The following FHIT variants were observed in gnomAD, a reference collection of about 807,000 sequenced individuals.
FHIT encodes fragile histidine triad diadenosine triphosphatase, also known as bis(5'-adenosyl)-triphosphatase.
Under a neutral mutation model 17.9 loss-of-function variants are expected in FHIT, and 19 were observed. The ratio of observed to expected loss-of-function variants is 1.06; its 90% CI spans 0.74 to 1.56. The LOEUF (loss-of-function observed/expected upper bound fraction) is 1.56, where lower values mean the gene tolerates loss of function less well. FHIT is among the 40% of genes most tolerant of loss of function. The pLI, the probability that FHIT is intolerant of heterozygous loss-of-function variation, is 0.00. For missense variants in FHIT, 248 were observed against 189.2 expected, an observed-to-expected ratio of 1.31 and a Z score of -1.82; for synonymous variants, 81 against 69.7, an observed-to-expected ratio of 1.16 and a Z score of -0.81.
intron 5 of FHIT, among the ~76,000 whole-genome samples, chr3:60,277,352 A>G (rs1208031577): frequency 6.6e-6 from 1 of 152,120 alleles, no homozygotes; most frequent in Non-Finnish European, 1.5e-5. Context: ...TTTCTTTTCT[A>G]ACAAAGAGCA....
chr3:59,986,695 T>TATATATTTATATAAATAA (rs1708947811), intron 7 of FHIT, among the ~76,000 whole-genome samples: 4 of 11,240 alleles, frequency 3.6e-4, no homozygotes, highest in Admixed American at 1.7e-3. Context: ...TTTAGTTTTA[T>TATATATTTATATAAATAA]ATATATTTAT....
At chr3:60,371,716 T>G (rs936341183) in intron 5 of FHIT, among the ~76,000 whole-genome samples, 4 of 152,128 alleles carry the variant, frequency 2.6e-5, no homozygotes, top group African/African-American at 4.8e-5. Context: ...TACCCCCAGA[T>G]AGCTGAGCAT....
intron 5 of FHIT, among the ~76,000 whole-genome samples, chr3:60,071,599 T>C (rs1702773861): frequency 6.6e-6 from 1 of 152,160 alleles, no homozygotes; most frequent in Non-Finnish European, 1.5e-5. Context: ...GGAATAAGAC[T>C]TGTTGAATGT....
chr3:60,892,614 G>T (rs1705578805), intron 3 of FHIT, among the ~76,000 whole-genome samples: 1 of 152,104 alleles, frequency 6.6e-6, no homozygotes, highest in African/African-American at 2.4e-5. Flanking sequence ...GGCAAATTAT[G>T]CATACTTATA....
At chr3:60,513,495 T>A (rs1467502141) in intron 5 of FHIT, among the ~76,000 whole-genome samples, 1 of 152,136 alleles carries the variant, frequency 6.6e-6, no homozygotes, top group Non-Finnish European at 1.5e-5. Flanking sequence ...TTCCCCTACA[T>A]AAAAAAGGCA....
At chr3:60,027,591 A>G (rs1342605653) in intron 5 of FHIT, among the ~76,000 whole-genome samples, 1 of 152,134 alleles carries the variant, frequency 6.6e-6, no homozygotes, top group East Asian at 1.9e-4. Context: ...GCGAGACTGC[A>G]ACCTCGAATA....
intron 4 of FHIT, among the ~76,000 whole-genome samples, 182 bp from the exon 5 acceptor site, chr3:60,537,161 C>G (rs962385443): frequency 8.6e-5 from 13 of 152,040 alleles, no homozygotes; most frequent in Non-Finnish European, 1.9e-4. Flanking sequence ...AAATACTCCA[C>G]TCTCCCTACC....
intron 3 of FHIT, among the ~76,000 whole-genome samples, chr3:61,029,248 G>A (rs1393212418): frequency 2.0e-5 from 3 of 152,118 alleles, no homozygotes; most frequent in African/African-American, 4.8e-5. Flanking sequence ...AAATTGATCT[G>A]TACCAAGATT....
chr3:60,029,897 C>CTG (rs71089569), intron 5 of FHIT, among the ~76,000 whole-genome samples: 2,226 of 127,878 alleles, frequency 0.017, 50 homozygotes, highest in African/African-American at 0.05. Context: ...GTGTGTGTGT[C>CTG]TGTGTGTGTG....
intron 8 of FHIT, among the ~76,000 whole-genome samples, chr3:59,904,105 C>T (rs1412553016): frequency 6.7e-6 from 1 of 149,238 alleles, no homozygotes. Flanking sequence ...CCCGGACAGC[C>T]AGTTGTTCTA....
intron 3 of FHIT, among the ~76,000 whole-genome samples, chr3:61,018,878 T>A (rs1022056672): frequency 1.3e-4 from 20 of 152,226 alleles, no homozygotes; most frequent in African/African-American, 4.8e-4. Context: ...ATCCTCATTC[T>A]ACTTTAATGT....
At chr3:59,963,486 G>C (rs921308484) in intron 7 of FHIT, among the ~76,000 whole-genome samples, 1 of 152,010 alleles carries the variant, frequency 6.6e-6, no homozygotes, top group Admixed American at 6.6e-5. Flanking sequence ...GAGAGAGAGA[G>C]AGAGACAGAA....
intron 5 of FHIT, among the ~76,000 whole-genome samples, chr3:60,056,480 TTG>T (rs1344867827): frequency 6.6e-6 from 1 of 152,252 alleles, no homozygotes; most frequent in African/African-American, 2.4e-5. Flanking sequence ...GCACTCCTTA[TTG>T]TGTTACAAGT....
intron 2 of FHIT, among the ~76,000 whole-genome samples, chr3:61,200,359 T>C (rs577154517): frequency 6.6e-6 from 1 of 152,350 alleles, no homozygotes; most frequent in East Asian, 1.9e-4. Context: ...TCCATTGGAA[T>C]GTCTTAGCTG....
At chr3:60,237,954 G>C (rs1384018661) in intron 5 of FHIT, among the ~76,000 whole-genome samples, 1 of 151,690 alleles carries the variant, frequency 6.6e-6, no homozygotes, top group Non-Finnish European at 1.5e-5. Flanking sequence ...TGGCCAACAT[G>C]GTGAAACTCC....
chr3:61,155,906 T>G (rs1209348850), intron 2 of FHIT, among the ~76,000 whole-genome samples: 1 of 144,694 alleles, frequency 6.9e-6, no homozygotes, highest in Non-Finnish European at 1.6e-5. Context: ...GCCCGAACTG[T>G]TTGTTCAAAT....
Position 60,142,677 on chromosome 3 carries a change from C to T in FHIT, c.104-128525G>A, listed in dbSNP as rs144920419. ...CCACTATGCCCGGCTAACATTTTTGCGTTTCTTTTTTTTTTTCTTTTTTTT... is the reference window on the plus strand; with the variant it reads ...CCACTATGCCCGGCTAACATTTTTGTGTTTCTTTTTTTTTTTCTTTTTTTT... On this transcript the variant is annotated intron_variant, in intron 5 of 9. Coordinates refer to ENST00000492590, the MANE Select transcript of FHIT (RefSeq NM_002012.4). Among the ~76,000 whole-genome samples, 1,116 of 148,190 alleles carry T rather than the reference C, an allele frequency of 7.5e-3. 11 individuals carry two copies. The highest frequency in any genetic ancestry group is 0.025 in the African/African-American group (1,007 of 39,976).
chr3:59,937,709 C>T (rs555355996), intron 7 of FHIT, among the ~76,000 whole-genome samples: 1 of 152,290 alleles, frequency 6.6e-6, no homozygotes, highest in South Asian at 2.1e-4. Flanking sequence ...TTCTCCTTAA[C>T]AGGGGCTAAA....
chr3:61,172,060 T>C (rs952260588), intron 2 of FHIT, among the ~76,000 whole-genome samples: 1 of 152,202 alleles, frequency 6.6e-6, no homozygotes, highest in Non-Finnish European at 1.5e-5. Flanking sequence ...TTCATGTCAA[T>C]CATTTTGTTT....
Sources: allele counts gnomAD v4.1 joint callset (sites outside exome capture counted in the v4.1 genomes callset), GRCh38; gene constraint gnomAD v4.1.1; transcripts MANE v1.5; gene names NCBI Gene and HGNC (gene_info 2026-07-23, HGNC 2026-07-21).